Variants in UGT1A8 observed in about 807,000 individuals in gnomAD.
UGT1A8 encodes the protein UDP glucuronosyltransferase family 1 member A8.
UGT1A8 carries 39 observed loss-of-function variants against 45.3 expected under a neutral mutation model. The ratio of observed to expected loss-of-function variants is 0.86; its 90% CI spans 0.67 to 1.12. The LOEUF is 1.12. Ranked by LOEUF, UGT1A8 falls within the 50% of genes most tolerant of loss-of-function variation. The probability of loss-of-function intolerance (pLI) is 0.00; values close to 1 mark genes in which losing one functional copy is unlikely to be tolerated. For synonymous variants in UGT1A8, 275 were observed against 249.2 expected, an observed-to-expected ratio of 1.10 and a Z score of -0.97; for missense variants, 719 against 664.9, an observed-to-expected ratio of 1.08 and a Z score of -0.90.
chr2:233,671,047 G>A (rs747886616), intron 1 of UGT1A8, among the ~76,000 whole-genome samples: 3 of 152,150 alleles, frequency 2.0e-5, no homozygotes, highest in Non-Finnish European at 4.4e-5. Flanking sequence ...CAAAGGCATA[G>A]CATGGGTACT....
intron 1 of UGT1A8, chr2:233,693,021 G>T: frequency 6.2e-7 from 1 of 1,614,090 alleles, no homozygotes. Flanking sequence ...TGCCTCCTTC[G>T]CTCATTTCAG....
chr2:233,713,404 T>A, intron 1 of UGT1A8: 2 of 1,614,162 alleles, frequency 1.2e-6, no homozygotes, highest in Non-Finnish European at 1.7e-6. Context: ...GAGGCCCTGA[T>A]CAGGCACCTG....
chr2:233,698,702 T>G (rs924104929), intron 1 of UGT1A8, among the ~76,000 whole-genome samples: 6 of 152,250 alleles, frequency 3.9e-5, no homozygotes, highest in Non-Finnish European at 8.8e-5. Flanking sequence ...AAAAAAAATG[T>G]GCAAAGCCTT....
chr2:233,624,108 A>G (rs1023146670), intron 1 of UGT1A8, among the ~76,000 whole-genome samples: 1 of 152,162 alleles, frequency 6.6e-6, no homozygotes, highest in Non-Finnish European at 1.5e-5. Context: ...TGGCACATCC[A>G]TCACAACTCA....
chr2:233,713,840 C>A (rs149208140), intron 1 of UGT1A8: 1 of 1,614,012 alleles, frequency 6.2e-7, no homozygotes, highest in Non-Finnish European at 8.5e-7. Context: ...ACTGTGCCAA[C>A]GGGAAGCCAC....
At chr2:233,691,502 G>T in intron 1 of UGT1A8, 2 of 985,742 alleles carry the variant, frequency 2.0e-6, no homozygotes, top group Non-Finnish European at 2.4e-6. Context: ...ACAGGAACTC[G>T]CGTGCCAGCC....
intron 1 of UGT1A8, chr2:233,719,725 C>A (rs766716310): frequency 3.7e-5 from 59 of 1,613,632 alleles, no homozygotes; most frequent in Non-Finnish European, 4.7e-5. Context: ...ATGTTCCAGG[C>A]AAAACACTTT....
At chr2:233,734,582 T>C (rs1259652945) in intron 1 of UGT1A8, among the ~76,000 whole-genome samples, 1 of 152,210 alleles carries the variant, frequency 6.6e-6, no homozygotes, top group African/African-American at 2.4e-5. Context: ...CTCTTGCTTA[T>C]CTAGTTCTTT....
chr2:233,739,125 T>C (rs1690989547), intron 1 of UGT1A8: 1 of 152,272 alleles, frequency 6.6e-6, no homozygotes. Flanking sequence ...ACACAGAAGA[T>C]AAGAATTTAG....
chr2:233,724,149 C>T (rs1483469829), intron 1 of UGT1A8, among the ~76,000 whole-genome samples: 2 of 117,102 alleles, frequency 1.7e-5, no homozygotes, highest in Non-Finnish European at 3.4e-5. Context: ...GGCGGCTGGC[C>T]GGGTGGGGGG....
chr2:233,618,671 T>C, intron 1 of UGT1A8, 109 bp downstream of exon 1: 2 of 1,511,806 alleles, frequency 1.3e-6, no homozygotes, highest in African/African-American at 1.4e-5. Flanking sequence ...ATTTCAAATT[T>C]CTTTCCAGTT....
intron 1 of UGT1A8, among the ~76,000 whole-genome samples, chr2:233,675,628 T>G (rs879731029): frequency 6.6e-6 from 1 of 152,198 alleles, no homozygotes; most frequent in African/African-American, 2.4e-5. Context: ...TTACTTCAAG[T>G]TTTTATTTTC....
chr2:233,659,380 GC>G (rs1176484669), intron 1 of UGT1A8, among the ~76,000 whole-genome samples: 1 of 152,106 alleles, frequency 6.6e-6, no homozygotes, highest in East Asian at 1.9e-4. Context: ...TATTTGATAT[GC>G]TTTATGTGTT....
intron 1 of UGT1A8, among the ~76,000 whole-genome samples, chr2:233,720,006 T>G (rs1403033451): frequency 6.6e-6 from 1 of 152,190 alleles, no homozygotes; most frequent in Non-Finnish European, 1.5e-5. Context: ...CATTCAGAAC[T>G]GATCCATCCT....
At chr2:233,699,087 C>G (rs908686426) in intron 1 of UGT1A8, among the ~76,000 whole-genome samples, 1 of 152,218 alleles carries the variant, frequency 6.6e-6, no homozygotes, top group Admixed American at 6.5e-5. Flanking sequence ...CTCTCTAGCC[C>G]TGTGCACCTC....
At chr2:233,671,961 C>T in intron 1 of UGT1A8, 6 of 1,613,630 alleles carry the variant, frequency 3.7e-6, no homozygotes, top group Non-Finnish European at 4.2e-6. Context: ...GGACCAGCCC[C>T]CTTCCTCTAT....
chr2:233,663,204 G>A (rs530324340), intron 1 of UGT1A8, among the ~76,000 whole-genome samples: 1 of 152,278 alleles, frequency 6.6e-6, no homozygotes, highest in East Asian at 1.9e-4. Flanking sequence ...CCTAGACAGA[G>A]TCAATATAAC....
intron 1 of UGT1A8, chr2:233,754,900 C>A (rs900398132): frequency 7.4e-7 from 1 of 1,352,224 alleles, no homozygotes; most frequent in African/African-American, 1.5e-5. Flanking sequence ...CTCTGACCCC[C>A]CAAAATATTC....
chr2:233,656,610 T>C (rs2073859276), intron 1 of UGT1A8, among the ~76,000 whole-genome samples: 1 of 152,234 alleles, frequency 6.6e-6, no homozygotes, highest in Non-Finnish European at 1.5e-5. Flanking sequence ...TGTAGTTTTG[T>C]ATCTGATTGC....
Sources: gnomAD v4.1 joint callset for allele counts (sites outside exome capture counted in the v4.1 genomes callset) on GRCh38, gnomAD v4.1.1 for gene constraint, MANE v1.5 for transcripts, NCBI Gene and HGNC (gene_info 2026-07-23, HGNC 2026-07-21) for gene names.